Variants in EPB41L1 observed in about 807,000 individuals in gnomAD.
EPB41L1 encodes the protein erythrocyte membrane protein band 4.1 like 1.
EPB41L1 carries 29 observed loss-of-function variants against 97.8 expected under a neutral mutation model. That is an observed-to-expected ratio of 0.30 (90% CI 0.22 to 0.40). The LOEUF is 0.40. Among genes scored for constraint, EPB41L1 ranks in the 10% least tolerant of loss-of-function variants. The pLI is 1.00. For missense variants in EPB41L1, 812 were observed against 1,162.3 expected (o/e 0.70, Z 4.38); for synonymous variants, 383 against 459.2 (o/e 0.83, Z 2.12).
intron 4 of EPB41L1, among the ~76,000 whole-genome samples, chr20:36,178,339 A>T: frequency 6.6e-6 from 1 of 152,220 alleles, no homozygotes; most frequent in Non-Finnish European, 1.5e-5. Context: ...TACCCTTGGG[A>T]GGCTCTGAGT....
intron 21 of EPB41L1, among the ~76,000 whole-genome samples, chr20:36,225,443 T>A (rs2064071080): frequency 6.6e-6 from 1 of 152,182 alleles, no homozygotes; most frequent in East Asian, 1.9e-4. Flanking sequence ...GGGACCTGTA[T>A]TGCCTGGGAA....
intron 2 of EPB41L1, among the ~76,000 whole-genome samples, chr20:36,141,488 C>T (rs528890666): frequency 6.6e-6 from 1 of 152,260 alleles, no homozygotes; most frequent in South Asian, 2.1e-4. Flanking sequence ...ATTAGTGAAA[C>T]TCCAGGGAAC....
intron 1 of EPB41L1, among the ~76,000 whole-genome samples, chr20:36,172,865 G>T (rs963299587): frequency 6.6e-5 from 10 of 152,196 alleles, no homozygotes; most frequent in Non-Finnish European, 1.2e-4. Context: ...CTCCCAAAGT[G>T]CTGAGATTAC....
At chr20:36,216,854 G>A (rs2063475870) in intron 17 of EPB41L1, among the ~76,000 whole-genome samples, 1 of 152,208 alleles carries the variant, frequency 6.6e-6, no homozygotes, top group Non-Finnish European at 1.5e-5. Context: ...GGGATGCCTG[G>A]AGGGGGGAAA....
chr20:36,211,519 T>G (rs531897884), intron 15 of EPB41L1, among the ~76,000 whole-genome samples: 94 of 152,284 alleles, frequency 6.2e-4, no homozygotes, highest in African/African-American at 2.1e-3. Flanking sequence ...ATCTCCTGCC[T>G]GGATGCTGTA....
intron 21 of EPB41L1, among the ~76,000 whole-genome samples, chr20:36,226,607 C>T (rs2064168448): frequency 6.6e-6 from 1 of 152,192 alleles, no homozygotes; most frequent in African/African-American, 2.4e-5. Flanking sequence ...CTAGGGCTAC[C>T]AAGATCATCC....
At chr20:36,149,163 T>G (rs906259607) in intron 2 of EPB41L1, among the ~76,000 whole-genome samples, 3 of 152,154 alleles carry the variant, frequency 2.0e-5, no homozygotes, top group African/African-American at 7.2e-5. Context: ...ATTGTACAGA[T>G]GGGGCAACTG....
At chr20:36,117,931 T>C (rs2746104) in intron 2 of EPB41L1, among the ~76,000 whole-genome samples, 7,814 of 152,296 alleles carry the variant, frequency 0.051, 658 homozygotes, top group African/African-American at 0.18. Context: ...AATCCACTGC[T>C]CTTGCCAATC....
intron 1 of EPB41L1, chr20:36,155,368 C>T: frequency 2.8e-6 from 1 of 361,740 alleles, no homozygotes; most frequent in Non-Finnish European, 5.5e-6. Context: ...CCTTCCGTCT[C>T]CCTTCCAAGT....
At chr20:36,183,572 C>T (rs1227236335) in intron 6 of EPB41L1, among the ~76,000 whole-genome samples, 1 of 152,210 alleles carries the variant, frequency 6.6e-6, no homozygotes, top group Non-Finnish European at 1.5e-5. Context: ...ACACTGGGCA[C>T]TGTGCTTCCA....
chr20:36,117,559 C>T (rs1208304508), intron 2 of EPB41L1, among the ~76,000 whole-genome samples: 1 of 152,194 alleles, frequency 6.6e-6, no homozygotes, highest in Non-Finnish European at 1.5e-5. Context: ...ATCTGATTTT[C>T]CTTGTAATCC....
Position 36,104,074 on chromosome 20 carries a change from A to G in EPB41L1, c.-64-8352A>G, listed in dbSNP as rs75156106. 0.011 allele frequency among the ~76,000 whole-genome samples: 1,650 copies of G among 152,306 alleles called. 64 individuals are homozygous for G. In the East Asian group the frequency reaches 0.13, roughly 12 times the overall value. ...GCTGCGGGGGCCAGGGTGAGAGACA[A>G]AAAAATAATAATAACAGGAGTTCCT... On this transcript the variant is annotated intron_variant, in intron 1 of 19. Coordinates refer to the EPB41L1 transcript ENST00000202028.
In EPB41L1 at chr20:36,230,238, G is replaced by T. The variant is rs2064431008; in HGVS notation, c.*898G>T. 6.6e-6 allele frequency: 1 copy of T among 152,618 alleles called. No individual in the cohort carries two copies. 9.5% of individuals were successfully genotyped at this position (152,618 alleles called of 1,614,324 possible). ...ATGCTTATGGTTTCTCATTATGAAG[G>T]TGCAGCTTGTAGGAGGTTTGTACGG... On this transcript the variant is annotated 3_prime_UTR_variant, in exon 22 of 22. Coordinates refer to ENST00000338074, the MANE Select transcript of EPB41L1 (RefSeq NM_012156.2).
intron 5 of EPB41L1, among the ~76,000 whole-genome samples, chr20:36,181,892 G>T (rs2061484911): frequency 6.6e-6 from 1 of 152,314 alleles, no homozygotes; most frequent in Non-Finnish European, 1.5e-5. Flanking sequence ...TCCAAGCAGG[G>T]TGACCTTGGG....
At chr20:36,122,100 C>T (rs1256881842) in intron 2 of EPB41L1, among the ~76,000 whole-genome samples, 1 of 152,142 alleles carries the variant, frequency 6.6e-6, no homozygotes, top group African/African-American at 2.4e-5. Flanking sequence ...AAGGATAGAG[C>T]GTGTGTGCAC....
intron 2 of EPB41L1, among the ~76,000 whole-genome samples, chr20:36,130,666 C>T (rs913850274): frequency 5.3e-5 from 8 of 152,176 alleles, no homozygotes; most frequent in Admixed American, 2.0e-4. Context: ...GCTGTGGCTG[C>T]CTTAGAGGCT....
intron 2 of EPB41L1, among the ~76,000 whole-genome samples, chr20:36,116,940 C>T (rs1180419507): frequency 1.3e-5 from 2 of 152,198 alleles, no homozygotes; most frequent in Non-Finnish European, 2.9e-5. Flanking sequence ...GAGCTGGACT[C>T]ACAGTGAGTC....
intron 19 of EPB41L1, among the ~76,000 whole-genome samples, chr20:36,220,927 A>C (rs949983856): frequency 3.9e-5 from 6 of 152,216 alleles, no homozygotes; most frequent in Non-Finnish European, 7.3e-5. Flanking sequence ...CTGGGCCTTC[A>C]TGCACGGACT....
At chr20:36,157,158 A>G (rs896415175) in intron 1 of EPB41L1, among the ~76,000 whole-genome samples, 14 of 152,148 alleles carry the variant, frequency 9.2e-5, no homozygotes, top group African/African-American at 3.4e-4. Flanking sequence ...CAGGAGGCAG[A>G]GGTTGCAGTG....
Sources: gnomAD v4.1 joint callset for allele counts (sites outside exome capture counted in the v4.1 genomes callset) on GRCh38, gnomAD v4.1.1 for gene constraint, MANE v1.5 for transcripts, NCBI Gene and HGNC (gene_info 2026-07-23, HGNC 2026-07-21) for gene names.